ABTB2: variants seen among roughly 807,000 people sequenced by gnomAD.
ABTB2 encodes ankyrin repeat and BTB/POZ domain-containing protein 2.
A neutral mutation model predicts 104.1 loss-of-function variants in ABTB2; 56 were observed. The ratio of observed to expected loss-of-function variants is 0.54; its 90% confidence interval spans 0.43 to 0.67. The LOEUF is 0.67. ABTB2 is among the 30% of genes least tolerant of loss of function. The pLI, the probability that ABTB2 is intolerant of heterozygous loss-of-function variation, is 0.00. For synonymous variants in ABTB2, 606 were observed against 608.2 expected, an observed-to-expected ratio of 1.00 and a Z score of 0.05; for missense variants, 1,279 against 1,407.7, an observed-to-expected ratio of 0.91 and a Z score of 1.46.
chr11:34,242,666 T>C (rs576340966), intron 1 of ABTB2: 1 of 152,244 alleles, frequency 6.6e-6, no homozygotes, highest in African/African-American at 2.4e-5. Context: ...GAGAAGAGGA[T>C]TGTGGGGAAA....
At chr11:34,236,078 T>G (rs1055253952) in intron 1 of ABTB2, among the ~76,000 whole-genome samples, 1 of 152,060 alleles carries the variant, frequency 6.6e-6, no homozygotes, top group Admixed American at 6.6e-5. Flanking sequence ...GGTACACCCC[T>G]GCAAGGAAGA....
chr11:34,293,973 T>G (rs931038566), intron 1 of ABTB2, among the ~76,000 whole-genome samples: 1 of 152,136 alleles, frequency 6.6e-6, no homozygotes, highest in Non-Finnish European at 1.5e-5. Context: ...GGAATCTGGG[T>G]AAATGAAGTA....
intron 1 of ABTB2, among the ~76,000 whole-genome samples, chr11:34,266,555 T>C (rs1310199949): frequency 2.6e-5 from 4 of 152,210 alleles, no homozygotes; most frequent in African/African-American, 9.7e-5. Context: ...AAGGCCTTAA[T>C]TGTTCTCTAC....
chr11:34,349,730 AG>A (rs1338338260), intron 1 of ABTB2, among the ~76,000 whole-genome samples: 33 of 152,198 alleles, frequency 2.2e-4, no homozygotes, highest in African/African-American at 5.3e-4. Context: ...CATCTGGAAA[AG>A]TCTGGAGACA....
chr11:34,154,657 T>C lies in ABTB2; in HGVS notation c.2766+44A>G, dbSNP rs1480584287. 3 of 1,601,490 alleles carry C rather than the reference T, an allele frequency of 1.9e-6. No homozygotes were observed. Among genetic ancestry groups the C allele is most frequent in the Non-Finnish European group, 1.7e-6 (2 of 1,169,552 alleles). On this transcript the variant is annotated intron_variant, in intron 15 of 16. Coordinates refer to ENST00000435224, the MANE Select transcript of ABTB2 (RefSeq NM_145804.3). The surrounding 1 kb of genome is among the most constrained non-coding windows in gnomAD (Gnocchi z 4.9). Reference sequence around the variant, plus strand: ...GGGGGTGAATGGGAGACCGAGCCGCTGGGCACCCTAGCCCAGGCCCCCTCC... The same window carrying C: ...GGGGGTGAATGGGAGACCGAGCCGCCGGGCACCCTAGCCCAGGCCCCCTCC...
At chr11:34,164,886 A>C in intron 8 of ABTB2, 65 bp from the exon 9 acceptor site, 1 of 1,546,684 alleles carries the variant, frequency 6.5e-7, no homozygotes, top group Non-Finnish European at 8.6e-7. Context: ...GCTGAGGCGA[A>C]AGGGAAGGGA....
At chr11:34,200,324 G>T (rs1853321208) in intron 2 of ABTB2, among the ~76,000 whole-genome samples, 1 of 152,142 alleles carries the variant, frequency 6.6e-6, no homozygotes, top group Non-Finnish European at 1.5e-5. Flanking sequence ...CCCTTTGGCA[G>T]CACACTTCCT....
intron 1 of ABTB2, among the ~76,000 whole-genome samples, chr11:34,301,860 G>A (rs1854710665): frequency 6.6e-6 from 1 of 152,182 alleles, no homozygotes; most frequent in Admixed American, 6.5e-5. Flanking sequence ...GGTGGTGTAT[G>A]CCTGTGGTCC....
intron 1 of ABTB2, among the ~76,000 whole-genome samples, chr11:34,235,161 G>A (rs1853825837): frequency 6.6e-6 from 1 of 152,046 alleles, no homozygotes; most frequent in Admixed American, 6.6e-5. Context: ...GTGCCCGGCC[G>A]AGATTATTGT....
intron 1 of ABTB2, among the ~76,000 whole-genome samples, chr11:34,298,462 T>A (rs1380133077): frequency 4.1e-5 from 6 of 145,476 alleles, no homozygotes; most frequent in Non-Finnish European, 5.9e-5. Flanking sequence ...TTTAAAAAAA[T>A]TAAAAAAAAA....
At chr11:34,354,762 T>C (rs1489401669) in intron 1 of ABTB2, among the ~76,000 whole-genome samples, 11 of 152,224 alleles carry the variant, frequency 7.2e-5, no homozygotes, top group Non-Finnish European at 1.5e-5. Flanking sequence ...TTTTGTTTTG[T>C]TTTGCATTTA....
chr11:34,264,567 G>A (rs1209109613), intron 1 of ABTB2, among the ~76,000 whole-genome samples: 2 of 152,228 alleles, frequency 1.3e-5, no homozygotes, highest in African/African-American at 4.8e-5. Context: ...TGAGTTGGGT[G>A]GTTACTTTGT....
intron 1 of ABTB2, among the ~76,000 whole-genome samples, chr11:34,347,310 C>A (rs1023274257): frequency 6.6e-6 from 1 of 152,086 alleles, no homozygotes; most frequent in Non-Finnish European, 1.5e-5. Flanking sequence ...GTGGTGCCTG[C>A]CTATAATCTC....
chr11:34,279,851 C>T (rs1190752296), intron 1 of ABTB2, among the ~76,000 whole-genome samples: 6 of 137,986 alleles, frequency 4.3e-5, no homozygotes, highest in Admixed American at 1.6e-4. Context: ...TGCAATGGTG[C>T]GATCTCGGCT....
chr11:34,165,282 G>C lies in ABTB2; in HGVS notation c.1830C>G (p.Pro610=), dbSNP rs1289491724. The C allele has an allele frequency of 1.3e-6, 2 of 1,560,804 alleles. No homozygotes were observed. Among genetic ancestry groups the C allele is most frequent in the Admixed American group, 3.8e-5 (2 of 52,444 alleles). The change falls in exon 8 of 17, where the codon CCC becomes CCG. Residue 610 remains proline, a synonymous_variant. Transcript: ENST00000435224. ...NGGEDSYAET[P]LQLASAAGNY... is the part of the protein sequence containing the mutation. ...TACCTGCCGCAGAGGCCAGCTGCAG[G>C]GGCGTCTCCGCATAGCTGTCCTCGC...
At chr11:34,352,642 C>T (rs1236745049) in intron 1 of ABTB2, among the ~76,000 whole-genome samples, 3 of 152,220 alleles carry the variant, frequency 2.0e-5, no homozygotes, top group Admixed American at 6.5e-5. Context: ...TCTATAGTCT[C>T]ATTTAATTCT....
chr11:34,219,167 G>C (rs1206355487), intron 1 of ABTB2, among the ~76,000 whole-genome samples: 1 of 152,200 alleles, frequency 6.6e-6, no homozygotes, highest in Non-Finnish European at 1.5e-5. Context: ...GGAGGAGTCT[G>C]TAGTAGGAAT....
At chr11:34,251,527 C>A (rs1261800984) in intron 1 of ABTB2, among the ~76,000 whole-genome samples, 1 of 152,232 alleles carries the variant, frequency 6.6e-6, no homozygotes, top group East Asian at 1.9e-4. Context: ...GGTGTCCATG[C>A]CATGCCCAGC....
intron 3 of ABTB2, among the ~76,000 whole-genome samples, chr11:34,187,692 C>T (rs1434062115): frequency 9.9e-5 from 15 of 152,032 alleles, no homozygotes; most frequent in Admixed American, 9.8e-4. Flanking sequence ...TGGGGTCTCA[C>T]TATTTTGCCC....
Sources: allele counts gnomAD v4.1 joint callset (sites outside exome capture counted in the v4.1 genomes callset), GRCh38; gene constraint gnomAD v4.1.1; non-coding constraint Gnocchi (gnomAD v3.1); transcripts MANE v1.5; gene names NCBI Gene and HGNC (gene_info 2026-07-23, HGNC 2026-07-21).